MACROD2: variants seen among roughly 807,000 people sequenced by gnomAD.
MACROD2 encodes mono-ADP ribosylhydrolase 2, also known as ADP-ribose glycohydrolase MACROD2.
In MACROD2, 36 loss-of-function variants were observed where a neutral mutation model predicts 70.4. The ratio of observed to expected loss-of-function variants is 0.51; its 90% CI spans 0.39 to 0.68. The LOEUF (loss-of-function observed/expected upper bound fraction) is 0.68, where lower values mean the gene tolerates loss of function less well. MACROD2 is among the 30% of genes least tolerant of loss of function. The pLI is 0.00. For missense variants in MACROD2, 496 were observed against 538.4 expected (o/e 0.92, Z 0.78); for synonymous variants, 172 against 178.8 (o/e 0.96, Z 0.30).
intron 5 of MACROD2, among the ~76,000 whole-genome samples, chr20:14,785,593 G>A (rs2072359927): frequency 6.6e-6 from 1 of 151,990 alleles, no homozygotes; most frequent in African/African-American, 2.4e-5. Flanking sequence ...TGATGCCCCA[G>A]CCCAAACAAT....
intron 6 of MACROD2, among the ~76,000 whole-genome samples, chr20:15,401,985 T>C (rs1372876747): frequency 6.6e-6 from 1 of 152,226 alleles, no homozygotes; most frequent in Non-Finnish European, 1.5e-5. Flanking sequence ...TTTATTCTTT[T>C]TGAAACAAGA....
chr20:14,718,219 G>A (rs550038767), intron 5 of MACROD2, among the ~76,000 whole-genome samples: 28 of 144,154 alleles, frequency 1.9e-4, no homozygotes, highest in African/African-American at 6.9e-4. Flanking sequence ...CTTGAATCCA[G>A]GAGGCGGAGG....
At chr20:14,459,989 T>C (rs1195349314) in intron 3 of MACROD2, among the ~76,000 whole-genome samples, 1 of 152,078 alleles carries the variant, frequency 6.6e-6, no homozygotes, top group Non-Finnish European at 1.5e-5. Context: ...GGTTTTCTGT[T>C]CCTGTGTTAG....
intron 15 of MACROD2, among the ~76,000 whole-genome samples, chr20:16,008,655 T>G (rs2066821349): frequency 6.6e-6 from 1 of 152,232 alleles, no homozygotes; most frequent in Admixed American, 6.5e-5. Flanking sequence ...AGGGATGATA[T>G]GATTTAACAT....
intron 5 of MACROD2, among the ~76,000 whole-genome samples, chr20:14,780,730 A>G (rs2072290413): frequency 6.6e-6 from 1 of 152,098 alleles, no homozygotes; most frequent in Non-Finnish European, 1.5e-5. Flanking sequence ...GATAGTAATG[A>G]AACAAAAGTA....
chr20:14,500,134 G>A (rs1239250002), intron 4 of MACROD2, among the ~76,000 whole-genome samples: 2 of 152,196 alleles, frequency 1.3e-5, no homozygotes, highest in African/African-American at 2.4e-5. Flanking sequence ...CTTTGCTGTA[G>A]AGATCTTGCT....
In MACROD2 at chr20:15,171,311, C is replaced by T. The variant is rs538370996; in HGVS notation, c.419-58629C>T. Among the ~76,000 whole-genome samples the T allele has an allele frequency of 4.6e-5, 7 of 151,628 alleles. No individual in the cohort carries two copies. The South Asian group carries it at 1.5e-3, about 32-fold the overall frequency. On this transcript the variant is annotated intron_variant, in intron 5 of 17. Coordinates refer to ENST00000684519, the MANE Select transcript of MACROD2 (RefSeq NM_001351661.2). ...GTCTTTCCCTCCATCTCTCCTCCTC[C>T]ACCACTGTCTCTCTAGCTCCCTATC...
chr20:15,135,263 AAAG>A (rs1391791366), intron 5 of MACROD2, among the ~76,000 whole-genome samples: 1 of 151,210 alleles, frequency 6.6e-6, no homozygotes, highest in African/African-American at 2.4e-5. Flanking sequence ...CACAACCAAA[AAAG>A]AGAATTTTAG....
At chr20:14,853,345 G>A (rs537176251) in intron 5 of MACROD2, among the ~76,000 whole-genome samples, 3 of 152,182 alleles carry the variant, frequency 2.0e-5, no homozygotes, top group African/African-American at 4.8e-5. Flanking sequence ...ACTAACAAAA[G>A]GGGTGCGGAA....
chr20:14,950,888 T>C (rs997424136), intron 5 of MACROD2, among the ~76,000 whole-genome samples: 2 of 152,174 alleles, frequency 1.3e-5, no homozygotes, highest in Non-Finnish European at 2.9e-5. Context: ...TCTTTGTTGC[T>C]TGGTTGGTTG....
At chr20:14,349,762 A>C (rs1481173379) in intron 3 of MACROD2, among the ~76,000 whole-genome samples, 1 of 149,108 alleles carries the variant, frequency 6.7e-6, no homozygotes, top group Non-Finnish European at 1.5e-5. Flanking sequence ...TAATATAATG[A>C]CCTTCAGTTC....
At chr20:15,499,951 T>C in intron 8 of MACROD2, 104 bp downstream of exon 8, 2 of 1,048,902 alleles carry the variant, frequency 1.9e-6, no homozygotes, top group Non-Finnish European at 2.9e-6. Context: ...CTACACCTAG[T>C]CATTGAGCCA....
At chr20:14,981,431 T>G (rs959742058) in intron 5 of MACROD2, among the ~76,000 whole-genome samples, 1 of 63,904 alleles carries the variant, frequency 1.6e-5, no homozygotes, top group Non-Finnish European at 2.9e-5. Context: ...TATATGTATA[T>G]GTATATATAT....
chr20:15,979,778 T>C (rs1479494818), intron 13 of MACROD2, among the ~76,000 whole-genome samples: 8 of 152,114 alleles, frequency 5.3e-5, no homozygotes, highest in African/African-American at 1.9e-4. Flanking sequence ...AAACCATTAC[T>C]AGATAATCAA....
At chr20:14,207,535 G>A (rs1055401950) in intron 3 of MACROD2, among the ~76,000 whole-genome samples, 2 of 150,898 alleles carry the variant, frequency 1.3e-5, no homozygotes, top group African/African-American at 2.4e-5. Context: ...ACTTTGGCAC[G>A]TCAGTATCTG....
chr20:15,867,559 A>G (rs1455482954), intron 9 of MACROD2, among the ~76,000 whole-genome samples: 1 of 152,140 alleles, frequency 6.6e-6, no homozygotes, highest in East Asian at 1.9e-4. Flanking sequence ...CAACTCAGAA[A>G]TCTCTTTGTT....
chr20:14,278,840 T>G (rs887971660), intron 3 of MACROD2, among the ~76,000 whole-genome samples: 12 of 145,594 alleles, frequency 8.2e-5, no homozygotes, highest in African/African-American at 3.0e-4. Context: ...GTAAGACTTA[T>G]TTAAATTTAA....
intron 5 of MACROD2, among the ~76,000 whole-genome samples, chr20:15,168,209 G>A (rs1484132060): frequency 6.6e-6 from 1 of 152,106 alleles, no homozygotes; most frequent in East Asian, 1.9e-4. Context: ...CGATCACTGG[G>A]CTAAAAATCA....
chr20:14,520,296 C>T (rs531328336), intron 4 of MACROD2, among the ~76,000 whole-genome samples: 1 of 152,168 alleles, frequency 6.6e-6, no homozygotes, highest in South Asian at 2.1e-4. Flanking sequence ...GCACTAGCTT[C>T]TTTTGAAACC....
Sources: allele counts gnomAD v4.1 joint callset (sites outside exome capture counted in the v4.1 genomes callset), GRCh38; gene constraint gnomAD v4.1.1; transcripts MANE v1.5; gene names NCBI Gene and HGNC (gene_info 2026-07-23, HGNC 2026-07-21).